Variants in PTPRN2 observed in about 807,000 individuals in gnomAD.
PTPRN2 encodes the protein receptor-type tyrosine-protein phosphatase N2.
In PTPRN2, 74 loss-of-function variants were observed where a neutral mutation model predicts 118.8. That is an observed-to-expected ratio of 0.62 (90% CI 0.52 to 0.76). PTPRN2 has a LOEUF of 0.76. Among genes scored for constraint, PTPRN2 ranks in the 30% least tolerant of loss-of-function variants. The probability of loss-of-function intolerance (pLI) is 0.00; values close to 1 mark genes in which losing one functional copy is unlikely to be tolerated. For synonymous variants in PTPRN2, 641 were observed against 608.0 expected (o/e 1.05, Z -0.80); for missense variants, 1,481 against 1,394.4 (o/e 1.06, Z -0.99).
intron 2 of PTPRN2, among the ~76,000 whole-genome samples, chr7:158,416,695 A>C (rs945321100): frequency 6.6e-6 from 1 of 152,340 alleles, no homozygotes; most frequent in Non-Finnish European, 1.5e-5. Context: ...CAGGAAACAG[A>C]CAGCCTGCTG....
At chr7:158,202,355 T>C (rs948058369) in intron 4 of PTPRN2, among the ~76,000 whole-genome samples, 1 of 152,108 alleles carries the variant, frequency 6.6e-6, no homozygotes, top group Non-Finnish European at 1.5e-5. Flanking sequence ...CCTCAGTAGG[T>C]GTCAGAGTCG....
At chr7:158,276,975 G>A (rs941888701) in intron 3 of PTPRN2, among the ~76,000 whole-genome samples, 17 of 152,276 alleles carry the variant, frequency 1.1e-4, no homozygotes, top group African/African-American at 1.4e-4. Flanking sequence ...GGTGAGGACC[G>A]GGCTCCGTCC....
At chr7:158,328,766 G>C in intron 2 of PTPRN2, among the ~76,000 whole-genome samples, 1 of 149,322 alleles carries the variant, frequency 6.7e-6, no homozygotes, top group Non-Finnish European at 1.5e-5. Flanking sequence ...AGTGACATCT[G>C]CAAGTCACTA....
At position 158,505,064 on chromosome 7, in the gene PTPRN2, C is replaced by A. The variant is rs151169410; in HGVS notation, c.113-15279G>T. ...TCCCCTCCTCACCCTATAGGGTTGC[C>A]GGGAAAATCCAAGGCTCTAACAAAA... On this transcript the variant is annotated intron_variant, in intron 1 of 22. Coordinates refer to ENST00000389418, the MANE Select transcript of PTPRN2 (RefSeq NM_002847.5). Among the ~76,000 whole-genome samples, 6 of 152,268 alleles carry A rather than the reference C, an allele frequency of 3.9e-5. No individual in the cohort carries two copies. The South Asian group carries it at 1.0e-3, about 26-fold the overall frequency.
intron 11 of PTPRN2, among the ~76,000 whole-genome samples, chr7:157,899,889 G>A (rs1169975585): frequency 6.6e-6 from 1 of 152,192 alleles, no homozygotes; most frequent in East Asian, 1.9e-4. Context: ...GAGCCCCAGG[G>A]GAGGGGAGGA....
At chr7:158,280,407 G>T (rs1461072392) in intron 3 of PTPRN2, among the ~76,000 whole-genome samples, 2 of 152,224 alleles carry the variant, frequency 1.3e-5, no homozygotes, top group African/African-American at 4.8e-5. Flanking sequence ...GGACAGCGAC[G>T]AGGGCAGGAG....
intron 12 of PTPRN2, among the ~76,000 whole-genome samples, chr7:157,746,191 C>CTA: frequency 7.5e-6 from 1 of 133,330 alleles, no homozygotes; most frequent in East Asian, 2.8e-4. Context: ...CGGGCCTCCC[C>CTA]TAGACCCCAC....
At chr7:157,639,407 C>T (rs950552519) in intron 14 of PTPRN2, among the ~76,000 whole-genome samples, 2 of 152,210 alleles carry the variant, frequency 1.3e-5, no homozygotes, top group Admixed American at 6.5e-5. Flanking sequence ...AGATGAAGCA[C>T]AGTGCGGCCT....
At position 157,881,076 on chromosome 7, in the gene PTPRN2, T is replaced by C. The variant is rs1440650234; in HGVS notation, c.1788+17597A>G. Reference sequence around the variant, plus strand: ...TAGGAGTCATTACGGTAAAATGAGGTCATGAGGATATGTGGAGATGGGGGT... The same window carrying C: ...TAGGAGTCATTACGGTAAAATGAGGCCATGAGGATATGTGGAGATGGGGGT... On this transcript the variant is annotated intron_variant, in intron 12 of 22. Coordinates refer to ENST00000389418, the MANE Select transcript of PTPRN2 (RefSeq NM_002847.5). The surrounding 1 kb of genome is among the most constrained non-coding windows in gnomAD (Gnocchi z 4.7). Among the ~76,000 whole-genome samples, 4 of 151,980 alleles carry C rather than the reference T, an allele frequency of 2.6e-5. No individual in the cohort carries two copies. The highest frequency in any genetic ancestry group is 2.4e-5 in the African/African-American group (1 of 41,338).
At chr7:157,996,230 A>C (rs1057322648) in intron 11 of PTPRN2, among the ~76,000 whole-genome samples, 3 of 152,222 alleles carry the variant, frequency 2.0e-5, no homozygotes, top group Non-Finnish European at 2.9e-5. Context: ...GCCAAATTAC[A>C]TGCGTGCATG....
intron 3 of PTPRN2, among the ~76,000 whole-genome samples, chr7:158,254,287 T>C (rs796247286): frequency 2.7e-4 from 7 of 26,182 alleles, no homozygotes; most frequent in East Asian, 9.2e-4. Flanking sequence ...CGACCCGCCC[T>C]CCATCTCCAC....
At chr7:158,101,510 G>A (rs1032585667) in intron 10 of PTPRN2, among the ~76,000 whole-genome samples, 1 of 152,158 alleles carries the variant, frequency 6.6e-6, no homozygotes, top group Non-Finnish European at 1.5e-5. Context: ...CAAAAACAAT[G>A]ATAAATAGCT....
intron 2 of PTPRN2, among the ~76,000 whole-genome samples, chr7:158,419,421 G>GCAAGAATTCCGTCACTGCAAGAATTCTA (rs1232322894): frequency 1.8e-4 from 27 of 152,178 alleles, no homozygotes; most frequent in Non-Finnish European, 2.9e-4. Flanking sequence ...CAAGAATTCT[G>GCAAGAATTCCGTCACTGCAAGAATTCTA]TCACTGCCGT....
chr7:158,061,841 C>T (rs928914260), intron 11 of PTPRN2, among the ~76,000 whole-genome samples: 5 of 152,234 alleles, frequency 3.3e-5, no homozygotes, highest in African/African-American at 7.2e-5. Flanking sequence ...CAGGGCCCTT[C>T]GATCCATGTG....
At chr7:158,259,137 T>C (rs1390036833) in intron 3 of PTPRN2, among the ~76,000 whole-genome samples, 1 of 152,156 alleles carries the variant, frequency 6.6e-6, no homozygotes, top group Non-Finnish European at 1.5e-5. Context: ...GAGCTCAGTT[T>C]CCAAATGGAG....
At chr7:157,854,124 AGCCAAG>A (rs1809502284) in intron 12 of PTPRN2, among the ~76,000 whole-genome samples, 1 of 152,236 alleles carries the variant, frequency 6.6e-6, no homozygotes, top group South Asian at 2.1e-4. Flanking sequence ...CTGTCACAGC[AGCCAAG>A]GCCACTGGCT....
intron 10 of PTPRN2, among the ~76,000 whole-genome samples, chr7:158,089,991 TCCCCTGACGAAAGAGGGAG>T (rs1813955519): frequency 2.5e-5 from 1 of 40,002 alleles, no homozygotes; most frequent in African/African-American, 4.7e-5. Flanking sequence ...AAACCCTTCC[TCCCCTGACGAAAGAGGGAG>T]TCTTCACACA....
intron 2 of PTPRN2, among the ~76,000 whole-genome samples, chr7:158,440,853 G>GATA (rs2129433240): frequency 7.1e-6 from 1 of 139,890 alleles, no homozygotes; most frequent in East Asian, 2.3e-4. Flanking sequence ...TGACGGGGGT[G>GATA]GTGGTGGGGG....
At chr7:157,888,665 G>A (rs1796625156) in intron 12 of PTPRN2, among the ~76,000 whole-genome samples, 1 of 151,236 alleles carries the variant, frequency 6.6e-6, no homozygotes, top group Non-Finnish European at 1.5e-5. Context: ...GCAGCACCAT[G>A]CCACGCAGAA....
Sources: allele counts gnomAD v4.1 joint callset (sites outside exome capture counted in the v4.1 genomes callset), GRCh38; gene constraint gnomAD v4.1.1; non-coding constraint Gnocchi (gnomAD v3.1); transcripts MANE v1.5; gene names NCBI Gene and HGNC (gene_info 2026-07-23, HGNC 2026-07-21).